LPL: variants seen among roughly 807,000 people sequenced by gnomAD.
LPL encodes phospholipase A1.
Under a neutral mutation model 52.2 loss-of-function variants are expected in LPL, and 43 were observed. That is an observed-to-expected ratio of 0.82 (90% confidence interval 0.64 to 1.06). LPL has a LOEUF of 1.06. Among genes scored for constraint, LPL ranks in the 50% least tolerant of loss-of-function variants. LPL has a pLI of 0.00. For synonymous variants in LPL, 244 were observed against 215.6 expected (o/e 1.13, Z -1.15); for missense variants, 639 against 585.3 (o/e 1.09, Z -0.95).
At position 19,959,279 on chromosome 8, in the gene LPL, G is replaced by A. The variant is rs1178980868; in HGVS notation, c.1038G>A (p.Lys346=). ...MPYKVFHYQV[K]IHFSGTESET... ...CAACAGTCTTCCATTACCAAGTAAAGATTCATTTTTCTGGGACTGAGAGTG... is the reference window on the plus strand; with the variant it reads ...CAACAGTCTTCCATTACCAAGTAAAAATTCATTTTTCTGGGACTGAGAGTG... Residue 346 remains lysine, a synonymous_variant, in exon 7 of 10, where the codon AAG becomes AAA. Transcript: ENST00000650287. 2 of 1,614,020 alleles carry A rather than the reference G, an allele frequency of 1.2e-6. No individual in the cohort carries two copies. Among genetic ancestry groups the A allele is most frequent in the East Asian group, 2.2e-5 (1 of 44,894 alleles).
chr8:19,943,574 G>T (rs1334426580), intron 1 of LPL, among the ~76,000 whole-genome samples: 12 of 152,176 alleles, frequency 7.9e-5, no homozygotes, highest in Admixed American at 7.9e-4. Context: ...GCAACAAGAA[G>T]AAAGTAGTCT....
intron 7 of LPL, among the ~76,000 whole-genome samples, chr8:19,959,750 T>A (rs1361645461): frequency 1.4e-5 from 2 of 147,070 alleles, no homozygotes; most frequent in East Asian, 4.0e-4. Context: ...ATATAAGTAG[T>A]AAGAAGTCCA....
chr8:19,958,182 C>A (rs34951282), intron 6 of LPL, among the ~76,000 whole-genome samples: 45 of 152,146 alleles, frequency 3.0e-4, no homozygotes, highest in Non-Finnish European at 5.9e-4. Context: ...CCACGCCCAA[C>A]TAATTTCTGT....
intron 5 of LPL, among the ~76,000 whole-genome samples, chr8:19,955,358 G>A (rs1208730739): frequency 6.6e-6 from 1 of 152,156 alleles, no homozygotes; most frequent in Non-Finnish European, 1.5e-5. Flanking sequence ...AAGTTGAGAA[G>A]CACGTGATGG....
At chr8:19,957,560 G>T (rs1474986217) in intron 6 of LPL, among the ~76,000 whole-genome samples, 1 of 152,156 alleles carries the variant, frequency 6.6e-6, no homozygotes, top group African/African-American at 2.4e-5. Context: ...GTGGGTTCAA[G>T]GCTCTGTCAG....
At position 19,948,224 on chromosome 8, in the gene LPL, A is replaced by T. The variant is rs897164454; in HGVS notation, c.133A>T (p.Thr45Ser). ...IDIESKFALRTPEDTAEDTCH... is the reference protein window; with the variant it reads ...IDIESKFALRSPEDTAEDTCH... ...CATCGAAAGTAAATTTGCCCTAAGG[A>T]CCCCTGAAGACACAGCTGAGGACAC... Residue 45 changes from threonine to serine, a missense_variant, in exon 2 of 10, where the codon ACC becomes TCC. By Grantham distance (58) the Thr-to-Ser change is moderately conservative. Coordinates refer to ENST00000650287, the MANE Select transcript of LPL (RefSeq NM_000237.3). 1 of 1,614,070 alleles carries T rather than the reference A, an allele frequency of 6.2e-7. No individual in the cohort carries two copies. Among genetic ancestry groups the T allele is most frequent in the Admixed American group, 1.7e-5 (1 of 59,998 alleles).
chr8:19,948,066 T>C, intron 1 of LPL, 114 bp from the exon 2 acceptor site: 1 of 1,181,494 alleles, frequency 8.5e-7, no homozygotes, highest in Admixed American at 1.7e-5. Flanking sequence ...CGAAAACACT[T>C]CAGAAACAAA....
rs1416860577 is a variant in LPL, at chr8:19,939,825, C to G, written c.88+297C>G. On this transcript the variant is annotated intron_variant, in intron 1 of 9. Transcript: ENST00000650287. This position sits in a 1 kb window ranked among gnomAD's most constrained non-coding sequence, Gnocchi z 4.0. The stretch of plus-strand genomic sequence containing the variant: ...GCGTTCCCGGGCTCGCAGGCTCCGC[C>G]GGGGAGGTTCCGGGGTGTGGGGGCC... Among the ~76,000 whole-genome samples, 1 of 152,146 alleles carries G rather than the reference C, an allele frequency of 6.6e-6. No individual in the cohort carries two copies. Among genetic ancestry groups the G allele is most frequent in the Non-Finnish European group, 1.5e-5 (1 of 68,022 alleles).
intron 1 of LPL, among the ~76,000 whole-genome samples, chr8:19,940,688 C>T (rs2069830331): frequency 1.3e-5 from 2 of 152,250 alleles, no homozygotes; most frequent in African/African-American, 4.8e-5. Flanking sequence ...TCTCAGGCGG[C>T]ACGTCCCCAG....
intron 1 of LPL, among the ~76,000 whole-genome samples, chr8:19,945,176 G>A (rs1304687088): frequency 6.6e-6 from 1 of 152,176 alleles, no homozygotes; most frequent in African/African-American, 2.4e-5. Flanking sequence ...TTCACCTGCT[G>A]CCCAATAGCA....
chr8:19,953,951 G>A (rs2069959761), intron 4 of LPL, among the ~76,000 whole-genome samples, 169 bp from the exon 5 acceptor site: 1 of 152,194 alleles, frequency 6.6e-6, no homozygotes, highest in Non-Finnish European at 1.5e-5. Context: ...ATTTTAGAAG[G>A]AGCCAAGCCT....
At chr8:19,954,416 T>C (rs1469172048) in intron 5 of LPL, 63 bp downstream of exon 5, 1 of 1,467,124 alleles carries the variant, frequency 6.8e-7, no homozygotes, top group Non-Finnish European at 9.5e-7. Context: ...TGACCCAATG[T>C]CCTACTCAGT....
At chr8:19,947,563 G>T (rs1418399363) in intron 1 of LPL, among the ~76,000 whole-genome samples, 2 of 152,020 alleles carry the variant, frequency 1.3e-5, no homozygotes, top group African/African-American at 2.4e-5. Flanking sequence ...ACTTGAGTTC[G>T]AGGGTGCAGT....
intron 5 of LPL, among the ~76,000 whole-genome samples, chr8:19,954,632 A>G (rs1394718603): frequency 6.6e-6 from 1 of 152,200 alleles, no homozygotes; most frequent in Non-Finnish European, 1.5e-5. Flanking sequence ...ACTGACCTCA[A>G]TAATGGCATC....
intron 6 of LPL, among the ~76,000 whole-genome samples, chr8:19,956,328 T>A (rs2069985533): frequency 6.6e-6 from 1 of 152,226 alleles, no homozygotes; most frequent in Non-Finnish European, 1.5e-5. Flanking sequence ...TGCCCTCCCC[T>A]GTAAATGTGG....
chr8:19,951,363 C>T (rs1013720273), intron 2 of LPL, among the ~76,000 whole-genome samples: 1 of 152,148 alleles, frequency 6.6e-6, no homozygotes, highest in African/African-American at 2.4e-5. Context: ...TGAAGGGAGG[C>T]GAAGGTGAGT....
intron 6 of LPL, 114 bp from the exon 7 acceptor site, chr8:19,959,146 A>C: frequency 7.7e-7 from 1 of 1,291,150 alleles, no homozygotes; most frequent in South Asian, 1.2e-5. Context: ...ATGTGTGTGC[A>C]CTTCCGGTTT....
At chr8:19,946,041 C>T (rs1486960278) in intron 1 of LPL, among the ~76,000 whole-genome samples, 2 of 152,158 alleles carry the variant, frequency 1.3e-5, no homozygotes, top group Non-Finnish European at 2.9e-5. Context: ...GTATTCAATA[C>T]TCTTCCATTA....
At chr8:19,940,803 A>G (rs555555448) in intron 1 of LPL, among the ~76,000 whole-genome samples, 2 of 152,350 alleles carry the variant, frequency 1.3e-5, no homozygotes, top group Admixed American at 6.5e-5. Context: ...TAAAAAACAA[A>G]AAGTTGGCAG....
Sources: gnomAD v4.1 joint callset for allele counts (sites outside exome capture counted in the v4.1 genomes callset) on GRCh38, gnomAD v4.1.1 for gene constraint, Gnocchi (gnomAD v3.1) non-coding constraint, MANE v1.5 for transcripts, NCBI Gene and HGNC (gene_info 2026-07-23, HGNC 2026-07-21) for gene names.